The following BRINP1 variants were observed in gnomAD, a reference collection of about 807,000 sequenced individuals.
BRINP1 encodes BMP/retinoic acid-inducible neural-specific protein 1.
In BRINP1, 17 loss-of-function variants were observed where a neutral mutation model predicts 72.9. The observed-to-expected ratio is 0.23, with a 90% confidence interval of 0.16 to 0.35. The LOEUF (loss-of-function observed/expected upper bound fraction) is 0.35, where lower values mean the gene tolerates loss of function less well. Ranked by LOEUF, BRINP1 falls within the 10% of genes least tolerant of loss-of-function variation. The pLI is 1.00. For synonymous variants in BRINP1, 418 were observed against 378.5 expected (o/e 1.10, Z -1.21); for missense variants, 850 against 1,001.6 (o/e 0.85, Z 2.04).
In BRINP1 at chr9:119,283,009, A is replaced by T. The variant is rs1830728511; in HGVS notation, c.218+30129T>A. On this transcript the variant is annotated intron_variant, in intron 2 of 7. Coordinates refer to ENST00000265922, the MANE Select transcript of BRINP1 (RefSeq NM_014618.3). ...ACTGACCACTTCTTAGATTCCTTTT[A>T]AGCCTTTTCAAAGCAGAAATTGATG... 7.1e-6 allele frequency: 7 copies of T among 985,408 alleles called. No homozygotes were observed. In the South Asian group the frequency reaches 3.3e-4, roughly 46 times the overall value. The allele number at this position is 985,408 out of a possible 1,614,324, so 61.0% of individuals were successfully genotyped here.
chr9:119,353,209 C>T (rs1831522807), intron 1 of BRINP1, among the ~76,000 whole-genome samples: 1 of 152,200 alleles, frequency 6.6e-6, no homozygotes, highest in South Asian at 2.1e-4. Flanking sequence ...AGAAGACTCT[C>T]AATAAATATT....
Position 119,205,625 on chromosome 9 carries a change from C to T in BRINP1, c.1145+3094G>A, listed in dbSNP as rs1260118130. On this transcript the variant is annotated intron_variant, in intron 7 of 7. Transcript: ENST00000265922. ...GTTACTCCTATTACCCAGCTTTGTC[C>T]CTCCTTCTTCCCTTGTAATACCTAT... is the stretch of plus-strand genomic sequence containing the variant. Among the ~76,000 whole-genome samples, 4 of 152,068 alleles carry T rather than the reference C, an allele frequency of 2.6e-5. No individual in the cohort carries two copies. The East Asian group carries it at 7.8e-4, about 29-fold the overall frequency.
chr9:119,203,251 A>C (rs562483908), intron 7 of BRINP1, among the ~76,000 whole-genome samples: 1 of 152,182 alleles, frequency 6.6e-6, no homozygotes, highest in Non-Finnish European at 1.5e-5. Context: ...AGTCAGCAAA[A>C]TAAATCTAAT....
At chr9:119,217,847 G>A (rs1829995211) in intron 5 of BRINP1, among the ~76,000 whole-genome samples, 1 of 151,882 alleles carries the variant, frequency 6.6e-6, no homozygotes, top group Non-Finnish European at 1.5e-5. Context: ...GAAAAACCCT[G>A]CCTTTTTTTC....
At chr9:119,345,165 A>T (rs748074804) in intron 1 of BRINP1, among the ~76,000 whole-genome samples, 4 of 152,164 alleles carry the variant, frequency 2.6e-5, no homozygotes, top group Non-Finnish European at 5.9e-5. Flanking sequence ...GTGTAGAAAC[A>T]CTTTCCAGAT....
intron 2 of BRINP1, among the ~76,000 whole-genome samples, chr9:119,307,772 G>A (rs1295251240): frequency 2.6e-5 from 4 of 152,124 alleles, no homozygotes; most frequent in Non-Finnish European, 5.9e-5. Flanking sequence ...GAGGTTGTAC[G>A]GTTAAAAAGA....
At chr9:119,261,212 T>C (rs1588181578) in intron 2 of BRINP1, among the ~76,000 whole-genome samples, 1 of 152,262 alleles carries the variant, frequency 6.6e-6, no homozygotes, top group East Asian at 1.9e-4. Context: ...CAACGGGTGG[T>C]TGGAAAGCGT....
At chr9:119,249,997 A>G (rs1588177548) in intron 2 of BRINP1, among the ~76,000 whole-genome samples, 2 of 105,626 alleles carry the variant, frequency 1.9e-5, no homozygotes, top group African/African-American at 7.7e-5. Context: ...AGGAAGGGAG[A>G]GAGGGAGAGA....
At chr9:119,251,213 GACACCT>G (rs1830383816) in intron 2 of BRINP1, among the ~76,000 whole-genome samples, 1 of 152,132 alleles carries the variant, frequency 6.6e-6, no homozygotes, top group South Asian at 2.1e-4. Flanking sequence ...AACCCTTCAA[GACACCT>G]ACTAAGGGCA....
chr9:119,263,348 C>A (rs936348479), intron 2 of BRINP1, among the ~76,000 whole-genome samples: 3 of 152,116 alleles, frequency 2.0e-5, no homozygotes, highest in African/African-American at 7.2e-5. Context: ...CTTCTTTGGA[C>A]AATCTTCTCC....
Position 119,279,346 on chromosome 9 carries a change from G to A in BRINP1, c.219-30196C>T, listed in dbSNP as rs1322931843. ...CTATATTATTAACCATGGGGATTTC[G>A]CCAGGGCACCTGCCCACGCACGGTT... On this transcript the variant is annotated intron_variant, in intron 2 of 7. Coordinates refer to ENST00000265922, the MANE Select transcript of BRINP1 (RefSeq NM_014618.3). Among the ~76,000 whole-genome samples, 7 of 152,194 alleles carry A rather than the reference G, an allele frequency of 4.6e-5. No homozygotes were observed. The East Asian group carries it at 5.8e-4, about 13-fold the overall frequency.
At chr9:119,367,495 A>C (rs1003334645) in intron 1 of BRINP1, among the ~76,000 whole-genome samples, 7 of 152,048 alleles carry the variant, frequency 4.6e-5, no homozygotes, top group African/African-American at 1.4e-4. Flanking sequence ...GAGTAGGGCA[A>C]GCCTTTAAGA....
At chr9:119,278,532 A>G (rs1372350343) in intron 2 of BRINP1, among the ~76,000 whole-genome samples, 1 of 152,232 alleles carries the variant, frequency 6.6e-6, no homozygotes, top group Non-Finnish European at 1.5e-5. Context: ...CTTAGGAACT[A>G]AGGGATGCCC....
intron 1 of BRINP1, among the ~76,000 whole-genome samples, chr9:119,339,235 C>A (rs932793312): frequency 6.6e-6 from 1 of 152,190 alleles, no homozygotes; most frequent in Non-Finnish European, 1.5e-5. Flanking sequence ...AATCAATAAA[C>A]AAATGAGCAT....
intron 7 of BRINP1, among the ~76,000 whole-genome samples, chr9:119,172,785 G>A (rs1353025016): frequency 7.2e-5 from 11 of 151,980 alleles, no homozygotes; most frequent in South Asian, 2.1e-4. Flanking sequence ...TATCCACCAC[G>A]ATCAAGTGGG....
intron 1 of BRINP1, among the ~76,000 whole-genome samples, chr9:119,341,199 C>T (rs1023675293): frequency 3.3e-5 from 5 of 152,146 alleles, no homozygotes; most frequent in African/African-American, 1.2e-4. Context: ...CACCACAGAT[C>T]CCCACATCCA....
intron 2 of BRINP1, among the ~76,000 whole-genome samples, chr9:119,299,914 T>TTATA (rs1304352957): frequency 3.3e-5 from 5 of 152,176 alleles, no homozygotes; most frequent in African/African-American, 4.8e-5. Flanking sequence ...TCACCAACCT[T>TTATA]ATCCAAGAGT....
chr9:119,174,151 A>C (rs1012402924), intron 7 of BRINP1, among the ~76,000 whole-genome samples: 5 of 150,044 alleles, frequency 3.3e-5, no homozygotes, highest in Admixed American at 6.6e-5. Flanking sequence ...CTGCACAGCA[A>C]AAGAAACTAC....
intron 2 of BRINP1, among the ~76,000 whole-genome samples, chr9:119,285,414 G>A (rs781601025): frequency 4.6e-5 from 7 of 152,064 alleles, no homozygotes; most frequent in Non-Finnish European, 4.4e-5. Context: ...TCCATTTAAC[G>A]CTTACCATCA....
Sources: gnomAD v4.1 joint callset for allele counts (sites outside exome capture counted in the v4.1 genomes callset) on GRCh38, gnomAD v4.1.1 for gene constraint, MANE v1.5 for transcripts, NCBI Gene and HGNC (gene_info 2026-07-23, HGNC 2026-07-21) for gene names.